MCF2L2: variants seen among roughly 807,000 people sequenced by gnomAD.
The protein encoded by MCF2L2 is probable guanine nucleotide exchange factor MCF2L2.
In MCF2L2, 102 loss-of-function variants were observed where a neutral mutation model predicts 150.2. The ratio of observed to expected loss-of-function variants is 0.68; its 90% CI spans 0.58 to 0.80. The LOEUF (loss-of-function observed/expected upper bound fraction) is 0.80. Ranked by LOEUF, MCF2L2 falls within the 30% of genes least tolerant of loss-of-function variation. The pLI is 0.00. For missense variants in MCF2L2, 1,256 were observed against 1,372.8 expected, an observed-to-expected ratio of 0.91 and a Z score of 1.34; for synonymous variants, 465 against 491.3, an observed-to-expected ratio of 0.95 and a Z score of 0.71.
chr3:183,320,042 C>T (rs779420164), intron 6 of MCF2L2, among the ~76,000 whole-genome samples: 1 of 151,962 alleles, frequency 6.6e-6, no homozygotes, highest in Non-Finnish European at 1.5e-5. Flanking sequence ...CAATAGAATG[C>T]CGTTTCATTT....
intron 10 of MCF2L2, among the ~76,000 whole-genome samples, chr3:183,302,788 G>A (rs1728919436): frequency 6.6e-6 from 1 of 151,442 alleles, no homozygotes; most frequent in Non-Finnish European, 1.5e-5. Context: ...TATATCTTAA[G>A]TCATTCTCTA....
At position 183,270,645 on chromosome 3, in the gene MCF2L2, G is replaced by T. The variant is rs1190308876; in HGVS notation, c.1862+6227C>A. ...ACTAAATTCAAGTCTTTACATAGAC[G>T]ATGTGTTCATGGGCCTCTGTGCCAA... On this transcript the variant is annotated intron_variant, in intron 15 of 29. Transcript: ENST00000328913. The surrounding 1 kb of genome is among the most constrained non-coding windows in gnomAD (Gnocchi z 4.5). The T allele has an allele frequency of 6.2e-7, 1 of 1,614,004 alleles. No homozygotes were observed. Among genetic ancestry groups the T allele is most frequent in the Non-Finnish European group, 8.5e-7 (1 of 1,180,038 alleles).
In MCF2L2 at chr3:183,415,316, A is replaced by C. The variant is rs566622667; in HGVS notation, c.76+12586T>G. Among the ~76,000 whole-genome samples the C allele has an allele frequency of 9.9e-5, 15 of 152,094 alleles. No individual in the cohort carries two copies. In the East Asian group the frequency reaches 2.7e-3, roughly 28 times the overall value. On this transcript the variant is annotated intron_variant, in intron 1 of 29. Coordinates refer to ENST00000328913, the MANE Select transcript of MCF2L2 (RefSeq NM_015078.4). ...ATTCTCCTGCCTCAGCCTCCCAAGT[A>C]GGTGGGATTACAGGTGCCCGCCACC...
intron 25 of MCF2L2, among the ~76,000 whole-genome samples, chr3:183,203,860 T>A (rs1296633034): frequency 6.6e-6 from 1 of 152,188 alleles, no homozygotes. Context: ...GAAGGACTCT[T>A]CAATAAGATT....
chr3:183,199,004 A>T (rs1722166929), intron 25 of MCF2L2, among the ~76,000 whole-genome samples: 1 of 152,244 alleles, frequency 6.6e-6, no homozygotes, highest in African/African-American at 2.4e-5. Context: ...TATACAAAGT[A>T]AAATCAATGA....
At chr3:183,239,173 A>ACTTAGGATACCAAAGGGAG (rs1405299285) in intron 15 of MCF2L2, among the ~76,000 whole-genome samples, 2 of 152,164 alleles carry the variant, frequency 1.3e-5, no homozygotes, top group Admixed American at 6.5e-5. Context: ...AGAGGACTGC[A>ACTTAGGATACCAAAGGGAG]CTTAGGATAC....
intron 1 of MCF2L2, among the ~76,000 whole-genome samples, chr3:183,421,914 T>C (rs1397255916): frequency 1.3e-5 from 2 of 152,206 alleles, no homozygotes; most frequent in Non-Finnish European, 2.9e-5. Context: ...GTTGCTTTGG[T>C]TGTGCCCATA....
At chr3:183,183,006 T>C (rs1226305787) in intron 27 of MCF2L2, among the ~76,000 whole-genome samples, 1 of 152,112 alleles carries the variant, frequency 6.6e-6, no homozygotes, top group Non-Finnish European at 1.5e-5. Context: ...CTTTTATTTA[T>C]TTATTTTGGA....
intron 20 of MCF2L2, among the ~76,000 whole-genome samples, chr3:183,222,441 T>A (rs1387614845): frequency 6.6e-6 from 1 of 151,958 alleles, no homozygotes; most frequent in South Asian, 2.1e-4. Flanking sequence ...TCTCAGCTAC[T>A]TGGGAGGCTG....
chr3:183,353,401 G>A (rs1449084916), intron 3 of MCF2L2, among the ~76,000 whole-genome samples: 2 of 152,138 alleles, frequency 1.3e-5, no homozygotes, highest in Non-Finnish European at 2.9e-5. Flanking sequence ...TCCAGTAATG[G>A]GATGTATTAG....
At chr3:183,320,754 C>T (rs983100077) in intron 6 of MCF2L2, among the ~76,000 whole-genome samples, 5 of 152,182 alleles carry the variant, frequency 3.3e-5, no homozygotes, top group African/African-American at 1.2e-4. Flanking sequence ...CCATCAAGAA[C>T]TTTTCCTTTG....
chr3:183,250,697 G>A (rs183471753), intron 15 of MCF2L2, among the ~76,000 whole-genome samples: 259 of 152,328 alleles, frequency 1.7e-3, no homozygotes, highest in Admixed American at 5.0e-3. Context: ...AAGGCTGCGT[G>A]TGGTGGGAGG....
chr3:183,313,703 G>C (rs1729480060), intron 7 of MCF2L2, among the ~76,000 whole-genome samples: 1 of 152,200 alleles, frequency 6.6e-6, no homozygotes, highest in African/African-American at 2.4e-5. Flanking sequence ...CCGCACTCAG[G>C]CTGGAGGAGA....
chr3:183,281,893 C>CTTT (rs397876715), intron 14 of MCF2L2, among the ~76,000 whole-genome samples: 4 of 121,442 alleles, frequency 3.3e-5, no homozygotes, highest in Non-Finnish European at 6.8e-5. Context: ...TTCACAGGGT[C>CTTT]TTTTTTTTTT....
At chr3:183,302,325 T>C (rs1728893372) in intron 10 of MCF2L2, among the ~76,000 whole-genome samples, 1 of 152,180 alleles carries the variant, frequency 6.6e-6, no homozygotes, top group Non-Finnish European at 1.5e-5. Context: ...AAGAAATGTG[T>C]GCATGGTCTT....
intron 7 of MCF2L2, among the ~76,000 whole-genome samples, chr3:183,316,027 C>T (rs1004346748): frequency 2.0e-5 from 3 of 152,330 alleles, no homozygotes; most frequent in East Asian, 1.9e-4. Context: ...GTCCTTGCCG[C>T]GCTGGGCGTC....
At chr3:183,193,567 T>G (rs1247876145) in intron 26 of MCF2L2, among the ~76,000 whole-genome samples, 1 of 152,092 alleles carries the variant, frequency 6.6e-6, no homozygotes, top group Non-Finnish European at 1.5e-5. Context: ...GCCAGGATGG[T>G]CTTGATCTCT....
chr3:183,400,712 G>C (rs1289166837), intron 1 of MCF2L2, among the ~76,000 whole-genome samples: 1 of 152,016 alleles, frequency 6.6e-6, no homozygotes, highest in Non-Finnish European at 1.5e-5. Context: ...AGGAAAACTG[G>C]GGGATGACAG....
chr3:183,255,290 G>T (rs1239418827), intron 15 of MCF2L2, among the ~76,000 whole-genome samples: 1 of 152,234 alleles, frequency 6.6e-6, no homozygotes, highest in Non-Finnish European at 1.5e-5. Context: ...TTAGTGATCA[G>T]CAGCAGACGT....
Sources: allele counts gnomAD v4.1 joint callset (sites outside exome capture counted in the v4.1 genomes callset), GRCh38; gene constraint gnomAD v4.1.1; non-coding constraint Gnocchi (gnomAD v3.1); transcripts MANE v1.5; gene names NCBI Gene and HGNC (gene_info 2026-07-23, HGNC 2026-07-21).